The following FSTL4 variants were observed in gnomAD, a reference collection of about 807,000 sequenced individuals.
The protein encoded by FSTL4 is follistatin-related protein 4.
Under a neutral mutation model 78.2 loss-of-function variants are expected in FSTL4, and 28 were observed. The ratio of observed to expected loss-of-function variants is 0.36; its 90% CI spans 0.27 to 0.49. The LOEUF (loss-of-function observed/expected upper bound fraction) is 0.49, where lower values mean the gene tolerates loss of function less well. Ranked by LOEUF, FSTL4 falls within the 20% of genes least tolerant of loss-of-function variation. The pLI is 0.98. For missense variants in FSTL4, 922 were observed against 1,084.9 expected (o/e 0.85, Z 2.11); for synonymous variants, 422 against 440.5 (o/e 0.96, Z 0.53).
chr5:133,283,805 G>C (rs1261670611), intron 6 of FSTL4, among the ~76,000 whole-genome samples: 1 of 152,224 alleles, frequency 6.6e-6, no homozygotes, highest in Non-Finnish European at 1.5e-5. Context: ...ATGAAGAACA[G>C]AGATTTAGTT....
the FSTL4 span, among the ~76,000 whole-genome samples, chr5:133,735,714 G>C: frequency 2.6e-4 from 40 of 151,976 alleles, no homozygotes; most frequent in Non-Finnish European, 5.4e-4. Context: ...GCAATGCGAG[G>C]CCTCTGCAAG....
the FSTL4 span, among the ~76,000 whole-genome samples, chr5:133,818,178 G>C: frequency 3.9e-5 from 6 of 152,306 alleles, no homozygotes; most frequent in Non-Finnish European, 7.3e-5. Flanking sequence ...ACAGCCCTCA[G>C]CATGCTCCAG....
At chr5:133,323,846 A>C (rs956110641) in intron 4 of FSTL4, among the ~76,000 whole-genome samples, 4 of 152,244 alleles carry the variant, frequency 2.6e-5, no homozygotes, top group African/African-American at 9.6e-5. Context: ...TACATTTATC[A>C]AGCCCGTTCT....
intron 2 of FSTL4, among the ~76,000 whole-genome samples, chr5:133,567,438 A>G (rs1270621660): frequency 2.0e-5 from 3 of 152,168 alleles, no homozygotes; most frequent in African/African-American, 7.2e-5. Flanking sequence ...AAATCCTGTT[A>G]ATCACAAAGT....
At chr5:133,705,120 G>A in the FSTL4 span, among the ~76,000 whole-genome samples, 1 of 152,164 alleles carries the variant, frequency 6.6e-6, no homozygotes, top group Non-Finnish European at 1.5e-5. Flanking sequence ...GAGTGCAGTG[G>A]CACAATCTCG....
chr5:133,631,311 A>C, the FSTL4 span, among the ~76,000 whole-genome samples: 2 of 152,072 alleles, frequency 1.3e-5, no homozygotes, highest in African/African-American at 2.4e-5. Context: ...AGAAAAAAAA[A>C]AACAACCCCA....
At chr5:133,705,524 G>A in the FSTL4 span, among the ~76,000 whole-genome samples, 3 of 152,060 alleles carry the variant, frequency 2.0e-5, no homozygotes, top group Non-Finnish European at 4.4e-5. Flanking sequence ...TTGGCTCTGG[G>A]GCTGCCTCAG....
In FSTL4 at chr5:133,535,797, G is replaced by C. The variant is rs548586433; in HGVS notation, c.160+31389C>G. Among the ~76,000 whole-genome samples, 23 of 152,314 alleles carry C rather than the reference G, an allele frequency of 1.5e-4. No individual in the cohort carries two copies. In the South Asian group the frequency reaches 3.9e-3, roughly 26 times the overall value. The stretch of plus-strand genomic sequence containing the variant: ...TTGTTATAGCAGTCCAAGTAGATTA[G>C]GACAAGGGGGATAGAAATTGGGTTA... On this transcript the variant is annotated intron_variant, in intron 3 of 15. Transcript: ENST00000265342.
intron 3 of FSTL4, among the ~76,000 whole-genome samples, chr5:133,525,611 C>T (rs1358332582): frequency 6.6e-6 from 1 of 152,228 alleles, no homozygotes; most frequent in East Asian, 1.9e-4. Context: ...ATGATGCCGG[C>T]CTCACTAAAC....
intron 3 of FSTL4, among the ~76,000 whole-genome samples, chr5:133,414,454 C>T (rs1580693588): frequency 6.6e-6 from 1 of 152,114 alleles, no homozygotes; most frequent in Non-Finnish European, 1.5e-5. Context: ...GGGATTTGTC[C>T]TTGGTATCCT....
chr5:133,678,365 A>G, the FSTL4 span, among the ~76,000 whole-genome samples: 3 of 152,324 alleles, frequency 2.0e-5, no homozygotes, highest in South Asian at 6.2e-4. Context: ...GCAGTAAAAC[A>G]GTGAAAGCTA....
chr5:133,786,236 G>A, the FSTL4 span, among the ~76,000 whole-genome samples: 6 of 152,144 alleles, frequency 3.9e-5, no homozygotes, highest in African/African-American at 1.4e-4. Flanking sequence ...CTTGGGCCAG[G>A]CCTGTATCCT....
chr5:133,217,646 TCTC>T, intron 12 of FSTL4, among the ~76,000 whole-genome samples: 1 of 152,224 alleles, frequency 6.6e-6, no homozygotes, highest in South Asian at 2.1e-4. Context: ...ATCTTCTCCC[TCTC>T]CTCATCTTCA....
chr5:133,264,244 C>T (rs536786252), intron 6 of FSTL4, among the ~76,000 whole-genome samples: 1 of 152,328 alleles, frequency 6.6e-6, no homozygotes, highest in South Asian at 2.1e-4. Context: ...AACCACAATG[C>T]TAGCAATAAA....
chr5:133,798,731 C>G, the FSTL4 span, among the ~76,000 whole-genome samples: 1 of 152,084 alleles, frequency 6.6e-6, no homozygotes, highest in Non-Finnish European at 1.5e-5. Flanking sequence ...GAAAGCCTCT[C>G]GTCCCCGCTC....
At chr5:133,325,548 G>C (rs1224863741) in intron 4 of FSTL4, among the ~76,000 whole-genome samples, 1 of 152,158 alleles carries the variant, frequency 6.6e-6, no homozygotes, top group Non-Finnish European at 1.5e-5. Flanking sequence ...ATCCCTTTGG[G>C]GAAGGGGGCG....
intron 4 of FSTL4, among the ~76,000 whole-genome samples, chr5:133,397,074 C>T (rs1756075633): frequency 6.6e-6 from 1 of 152,162 alleles, no homozygotes; most frequent in Non-Finnish European, 1.5e-5. Context: ...TATAATACAA[C>T]GCTGGCTTGG....
At chr5:133,675,700 G>T in the FSTL4 span, among the ~76,000 whole-genome samples, 1 of 152,168 alleles carries the variant, frequency 6.6e-6, no homozygotes, top group Non-Finnish European at 1.5e-5. Flanking sequence ...ACCCTTCCTG[G>T]CTAGCTTGTA....
chr5:133,506,909 G>C (rs1284057316), intron 3 of FSTL4, among the ~76,000 whole-genome samples: 3 of 152,176 alleles, frequency 2.0e-5, no homozygotes, highest in African/African-American at 7.2e-5. Context: ...ATTAGACTGG[G>C]CCTTTAAAAA....
Sources: gnomAD v4.1 joint callset for allele counts (sites outside exome capture counted in the v4.1 genomes callset) on GRCh38, gnomAD v4.1.1 for gene constraint, MANE v1.5 for transcripts, NCBI Gene and HGNC (gene_info 2026-07-23, HGNC 2026-07-21) for gene names.